URB1: variants seen among roughly 807,000 people sequenced by gnomAD.
URB1 encodes URB1 ribosome biogenesis factor.
In URB1, 197 loss-of-function variants were observed where a neutral mutation model predicts 242.3. The observed-to-expected ratio is 0.81, with a 90% CI of 0.72 to 0.91. URB1 has a LOEUF of 0.91. URB1 is among the 40% of genes least tolerant of loss of function. The pLI is 0.00. For missense variants in URB1, 2,721 were observed against 2,860.5 expected (o/e 0.95, Z 1.11); for synonymous variants, 1,153 against 1,201.8 (o/e 0.96, Z 0.84).
At chr21:32,361,193 A>AAGAAAGAAAGAAAGAC in intron 12 of URB1, 70 bp from the exon 13 acceptor site, 1 of 914,546 alleles carries the variant, frequency 1.1e-6, no homozygotes, top group East Asian at 2.8e-5. Context: ...GAAAGAAAGA[A>AAGAAAGAAAGAAAGAC]AGAAAGAAAG....
At chr21:32,356,162 C>G (rs1329925639) in intron 15 of URB1, among the ~76,000 whole-genome samples, 2 of 152,170 alleles carry the variant, frequency 1.3e-5, no homozygotes, top group Non-Finnish European at 2.9e-5. Flanking sequence ...GTGAGAATTG[C>G]TTGAGCTCAG....
chr21:32,347,273 A>C lies in URB1; in HGVS notation c.3551T>G (p.Leu1184Arg). ...TGCTAGCGTGGGCAGCAGAGCCCCC[A>C]GGCCTCTCACATACTCGGAGGACCA... ...LLWSSEYVRG[L>R]GALLPTLAVD... Residue 1184 changes from leucine (L) to arginine (R), a missense_variant, in exon 22 of 39, where the codon CTG becomes CGG. Leu to Arg is a moderately radical substitution (Grantham distance 102, BLOSUM62 -2). Transcript: ENST00000382751. The C allele has an allele frequency of 6.4e-7, 1 of 1,550,814 alleles. No homozygotes were observed. The highest frequency in any genetic ancestry group is 8.7e-7 in the Non-Finnish European group (1 of 1,146,882).
chr21:32,392,649 G>A, intron 1 of URB1, 120 bp downstream of exon 1: 9 of 1,260,606 alleles, frequency 7.1e-6, no homozygotes, highest in Non-Finnish European at 9.1e-6. Flanking sequence ...CTGCAAACCA[G>A]AGGCTTGCCA....
chr21:32,390,917 C>T (rs753546102), intron 1 of URB1, among the ~76,000 whole-genome samples: 2 of 152,132 alleles, frequency 1.3e-5, no homozygotes, highest in Non-Finnish European at 2.9e-5. Context: ...CACATGCACA[C>T]GTACGTTTAC....
chr21:32,328,606 C>T (rs537121558), intron 30 of URB1, among the ~76,000 whole-genome samples: 139 of 152,268 alleles, frequency 9.1e-4, no homozygotes, highest in Non-Finnish European at 1.0e-3. Flanking sequence ...AAATGGAATA[C>T]ATTTGGGAAA....
chr21:32,322,473 C>T lies in URB1; in HGVS notation c.5340+5G>A. On this transcript the variant is annotated splice_donor_5th_base_variant and intron_variant, in intron 33 of 38. Transcript: ENST00000382751. ...CAGAAAGCCGTGAGGACTCTGGAAG[C>T]ATACCTCAAAGTCGGAGCTGTAGAA... 1 of 1,551,638 alleles carries T rather than the reference C, an allele frequency of 6.4e-7. No individual in the cohort carries two copies. Among genetic ancestry groups the T allele is most frequent in the Non-Finnish European group, 8.7e-7 (1 of 1,146,484 alleles).
Position 32,322,554 on chromosome 21 carries a change from A to T in URB1, c.5264T>A (p.Phe1755Tyr). Residue 1755 changes from phenylalanine to tyrosine, a missense_variant, in exon 33 of 39, where the codon TTC becomes TAC. Physicochemically the swap from Phe to Tyr is conservative, Grantham distance 22 (BLOSUM62 3). Transcript: ENST00000382751. ...EEHMYLKVSN[F>Y]LLSHEYLNMD... is the part of the protein sequence containing the mutation. ...GTTCAAGTACTCATGCGACAGCAGG[A>T]AGTTGCTGACCTTCAGGTACATGTG... The T allele has an allele frequency of 6.4e-7, 1 of 1,552,072 alleles. No individual in the cohort carries two copies. Among genetic ancestry groups the T allele is most frequent in the Non-Finnish European group, 8.7e-7 (1 of 1,147,066 alleles).
chr21:32,348,043 C>G (rs989498210), intron 21 of URB1, among the ~76,000 whole-genome samples: 1 of 152,266 alleles, frequency 6.6e-6, no homozygotes, highest in Non-Finnish European at 1.5e-5. Flanking sequence ...GCCTGAGACA[C>G]TCCACCTGCC....
chr21:32,315,421 C>G (rs1408271347), intron 38 of URB1, among the ~76,000 whole-genome samples: 1 of 151,930 alleles, frequency 6.6e-6, no homozygotes. Context: ...TCAGGTGATC[C>G]TCCCACCTCA....
rs1287357676 is a variant in URB1, at chr21:32,392,779, GCCCTGCGGGTCCT to G, written c.119_131del (p.Lys40ThrfsTer29). 1.3e-6 allele frequency: 2 copies of G among 1,483,616 alleles called. No homozygotes were observed. Among genetic ancestry groups the G allele is most frequent in the Non-Finnish European group, 1.8e-6 (2 of 1,116,246 alleles). The allele number at this position is 1,483,616 out of a possible 1,614,324, so 91.9% of individuals were successfully genotyped here. On this transcript the variant is annotated frameshift_variant, in exon 1 of 39. Transcript: ENST00000382751. LOFTEE classifies it high-confidence loss of function. ...CCGCCCCGGACTCACCTGGCCCGGG[GCCCTGCGGGTCCT>G]TCAGCTGAGCCTTGAACCGCACGCC...
At chr21:32,323,666 C>T (rs1413680988) in intron 32 of URB1, among the ~76,000 whole-genome samples, 1 of 152,144 alleles carries the variant, frequency 6.6e-6, no homozygotes, top group Non-Finnish European at 1.5e-5. Context: ...CAGGCACTTA[C>T]ATGTGTGTTA....
rs1484478598 is a variant in URB1 at position 32,347,039 on chromosome 21, T to G, written c.3785A>C (p.Gln1262Pro). 1.3e-6 allele frequency: 2 copies of G among 1,549,644 alleles called. No individual in the cohort carries two copies. The highest frequency in any genetic ancestry group is 1.2e-5 in the South Asian group (1 of 83,956). The part of the protein sequence containing the change: ...CLQAGPGLGL[Q>P]GDLDDFLPLI... Reference sequence around the variant, plus strand: ...GGGAAGGAAGTCGTCCAGGTCCCCCTGGAGGCCGAGCCCTGGGCCAGCCTG... The same window carrying G: ...GGGAAGGAAGTCGTCCAGGTCCCCCGGGAGGCCGAGCCCTGGGCCAGCCTG... Residue 1262 changes from glutamine (Q) to proline (P), a missense_variant, in exon 22 of 39, where the codon CAG (glutamine) becomes CCG (proline). By Grantham distance (76) the Gln-to-Pro change is moderately conservative. Transcript: ENST00000382751.
In URB1 at chr21:32,337,445, G is replaced by A; in HGVS notation, c.4580C>T (p.Ala1527Val). The A allele has an allele frequency of 1.3e-6, 2 of 1,551,628 alleles. No individual in the cohort carries two copies. Among genetic ancestry groups the A allele is most frequent in the Non-Finnish European group, 8.7e-7 (1 of 1,146,994 alleles). The stretch of plus-strand genomic sequence containing the variant: ...GGCGCCATAGGCCCCGAGAAGCACT[G>A]CAAAGTGGCTGCTCTCACAGACAGA... ...CPSVCESSHFAVLLGAYGATL... is the reference protein window; with the variant it reads ...CPSVCESSHFVVLLGAYGATL... The change falls in exon 27 of 39, where the codon GCA becomes GTA. Residue 1527 changes from alanine (A) to valine (V), a missense_variant. Ala to Val is a moderately conservative substitution (Grantham distance 64). Coordinates refer to ENST00000382751, the MANE Select transcript of URB1 (RefSeq NM_014825.3).
chr21:32,373,445 T>A (rs1247184668), intron 7 of URB1, among the ~76,000 whole-genome samples: 1 of 147,772 alleles, frequency 6.8e-6, no homozygotes, highest in Admixed American at 6.6e-5. Context: ...AAAAAAAAAA[T>A]TATTAGCATG....
rs776131321 is a variant in URB1, at chr21:32,350,831, G to A, written c.2705C>T (p.Ala902Val). Reference protein sequence around the residue: ...ALLQAAYESQALRDEHIQVQL... With the variant: ...ALLQAAYESQVLRDEHIQVQL... ...CACCTGGATGTGCTCGTCCCGAAGCGCTTGGCTCTCGTAGGCTGCCTGCAG... is the reference window on the plus strand; with the variant it reads ...CACCTGGATGTGCTCGTCCCGAAGCACTTGGCTCTCGTAGGCTGCCTGCAG... The change falls in exon 20 of 39, where the codon GCG becomes GTG. Residue 902 changes from alanine (A) to valine (V), a missense_variant. Physicochemically the swap from Ala to Val is moderately conservative, Grantham distance 64. Transcript: ENST00000382751. 9 of 1,551,220 alleles carry A rather than the reference G, an allele frequency of 5.8e-6. No individual in the cohort carries two copies. The highest frequency in any genetic ancestry group is 1.4e-5 in the African/African-American group (1 of 73,058).
intron 13 of URB1, 91 bp from the exon 14 acceptor site, chr21:32,359,999 C>A (rs1411525845): frequency 8.5e-6 from 10 of 1,179,606 alleles, no homozygotes; most frequent in Non-Finnish European, 1.2e-5. Context: ...AGGAACTCAC[C>A]ATGGAGAAAG....
intron 14 of URB1, among the ~76,000 whole-genome samples, chr21:32,358,947 G>A (rs1601144201): frequency 6.6e-6 from 1 of 152,282 alleles, no homozygotes; most frequent in East Asian, 1.9e-4. Flanking sequence ...GCCACATGAA[G>A]CACCCGTAAC....
chr21:32,334,165 C>CG lies in URB1; in HGVS notation c.4854dup (p.Glu1619ArgfsTer17), dbSNP rs2032927774. 8 of 1,543,432 alleles carry CG rather than the reference C, an allele frequency of 5.2e-6. No individual in the cohort carries two copies. The highest frequency in any genetic ancestry group is 2.5e-5 in the East Asian group (1 of 40,702). On this transcript the variant is annotated frameshift_variant, in exon 29 of 39. Coordinates refer to ENST00000382751, the MANE Select transcript of URB1 (RefSeq NM_014825.3). LOFTEE classifies it high-confidence loss of function. ...GGACAGAACAGCAGCAGCCCAACCT[C>CG]GGGGGGCAGCAGCCTCCGGTTCTGG...
At chr21:32,360,938 G>T in intron 13 of URB1, 69 bp downstream of exon 13, 2 of 1,137,910 alleles carry the variant, frequency 1.8e-6, no homozygotes, top group South Asian at 1.5e-5. Flanking sequence ...CTGATTCTTG[G>T]CTGCAGGGCT....
Sources: allele counts gnomAD v4.1 joint callset (sites outside exome capture counted in the v4.1 genomes callset), GRCh38; gene constraint gnomAD v4.1.1; transcripts MANE v1.5; gene names NCBI Gene and HGNC (gene_info 2026-07-23, HGNC 2026-07-21).